NR2C2: variants seen among roughly 807,000 people sequenced by gnomAD.
The protein encoded by NR2C2 is nuclear receptor subfamily 2 group C member 2, also known as Nuclear hormone receptor TR4.
NR2C2 carries 6 observed loss-of-function variants against 62.9 expected under a neutral mutation model. That is an observed-to-expected ratio of 0.10 (90% CI 0.05 to 0.19). The LOEUF (loss-of-function observed/expected upper bound fraction) is 0.19. Ranked by LOEUF, NR2C2 falls within the 10% of genes least tolerant of loss-of-function variation. The pLI is 1.00. For missense variants in NR2C2, 479 were observed against 762.7 expected (o/e 0.63, Z 4.38); for synonymous variants, 272 against 273.8 (o/e 0.99, Z 0.07).
chr3:15,028,853 C>T (rs773215758), intron 8 of NR2C2, 134 bp downstream of exon 8: 133 of 965,002 alleles, frequency 1.4e-4, no homozygotes, highest in Non-Finnish European at 1.7e-4. Flanking sequence ...TGACCCTGCT[C>T]ATCTGTCTTC....
At chr3:15,016,741 G>A (rs932977443) in intron 4 of NR2C2, among the ~76,000 whole-genome samples, 2 of 152,190 alleles carry the variant, frequency 1.3e-5, no homozygotes, top group Non-Finnish European at 2.9e-5. Flanking sequence ...TCGCACCTGG[G>A]AGCCTTGGTA....
intron 11 of NR2C2, among the ~76,000 whole-genome samples, chr3:15,036,018 ACT>A (rs780066893): frequency 9.2e-5 from 14 of 151,796 alleles, no homozygotes; most frequent in Non-Finnish European, 1.9e-4. Flanking sequence ...ACAGAGCGAG[ACT>A]CTGTCTCCAA....
Position 15,021,429 on chromosome 3 carries a change from A to G in NR2C2, c.556+497A>G, listed in dbSNP as rs576450231. 7.2e-5 allele frequency among the ~76,000 whole-genome samples: 11 copies of G among 152,302 alleles called. No homozygotes were observed. In the South Asian group the frequency reaches 2.1e-3, roughly 29 times the overall value. The stretch of plus-strand genomic sequence containing the variant: ...AGCCTCTGTGTAGCTGGGATTCTAA[A>G]GAGAAAGCTATTGCTCCTGGATGTG... On this transcript the variant is annotated intron_variant, in intron 5 of 13. Transcript: ENST00000425241.
chr3:15,001,341 T>G (rs1170154425), intron 1 of NR2C2, among the ~76,000 whole-genome samples: 2 of 131,116 alleles, frequency 1.5e-5, no homozygotes, highest in South Asian at 2.5e-4. Context: ...TTTTTTTTGG[T>G]TTTTTTTTTG....
At chr3:15,033,450 G>A (rs1299994166) in intron 10 of NR2C2, among the ~76,000 whole-genome samples, 1 of 152,152 alleles carries the variant, frequency 6.6e-6, no homozygotes, top group Non-Finnish European at 1.5e-5. Context: ...GGTGTGGGAT[G>A]TGTCCTGAGT....
intron 1 of NR2C2, 198 bp downstream of exon 1, chr3:14,948,104 G>C (rs1204685712): frequency 6.6e-6 from 1 of 152,070 alleles, no homozygotes; most frequent in East Asian, 2.0e-4. Flanking sequence ...CGGGCGAAGC[G>C]AGCGGGTTCC....
rs796211448 is a variant in NR2C2, at chr3:14,953,912, C to A, written c.-40+6006C>A. On this transcript the variant is annotated intron_variant, in intron 1 of 13. Transcript: ENST00000425241. Reference sequence around the variant, plus strand: ...TTCATCTCAAAAAAAAAAAAAAAAACAACTGAGGCTGGATGGCTCTTGAGA... The same window carrying A: ...TTCATCTCAAAAAAAAAAAAAAAAAAAACTGAGGCTGGATGGCTCTTGAGA... Among the ~76,000 whole-genome samples the A allele has an allele frequency of 8.9e-3, 1,223 of 137,478 alleles. 20 individuals are homozygous for A. The highest frequency in any genetic ancestry group is 0.033 in the African/African-American group (1,154 of 34,570). 90.2% of individuals were successfully genotyped at this position (137,478 alleles called of 152,430 possible).
chr3:14,951,730 G>A (rs2039365677), intron 1 of NR2C2, among the ~76,000 whole-genome samples: 1 of 151,880 alleles, frequency 6.6e-6, no homozygotes, highest in African/African-American at 2.4e-5. Context: ...ACTTTATGAG[G>A]ATGGCTGGAA....
chr3:15,004,294 T>G (rs972441839), intron 2 of NR2C2, among the ~76,000 whole-genome samples: 3 of 152,202 alleles, frequency 2.0e-5, no homozygotes, highest in Non-Finnish European at 4.4e-5. Context: ...CTACTTGAAG[T>G]CAAATCCAGT....
intron 13 of NR2C2, among the ~76,000 whole-genome samples, chr3:15,039,838 T>C (rs926624551): frequency 3.3e-5 from 5 of 152,212 alleles, no homozygotes; most frequent in East Asian, 1.9e-4. Flanking sequence ...TTGTAATTAA[T>C]GTGCAGTAAA....
chr3:14,977,811 A>G (rs1319598187), intron 1 of NR2C2, among the ~76,000 whole-genome samples: 1 of 152,044 alleles, frequency 6.6e-6, no homozygotes, highest in Non-Finnish European at 1.5e-5. Context: ...CTAAAATACA[A>G]AATATTAGCT....
chr3:14,997,292 G>T (rs182072578), intron 1 of NR2C2, among the ~76,000 whole-genome samples: 2 of 152,222 alleles, frequency 1.3e-5, no homozygotes, highest in African/African-American at 4.8e-5. Flanking sequence ...ATCTAGGTTT[G>T]TTGTAAGTAC....
At chr3:15,024,029 A>G (rs2041752009) in intron 6 of NR2C2, 86 bp from the exon 7 acceptor site, 3 of 958,288 alleles carry the variant, frequency 3.1e-6, no homozygotes, top group Non-Finnish European at 5.0e-6. Flanking sequence ...CAGCTTCACA[A>G]ATGTGGAAGG....
chr3:15,003,051 T>C (rs2041065040), intron 1 of NR2C2, among the ~76,000 whole-genome samples: 1 of 151,808 alleles, frequency 6.6e-6, no homozygotes, highest in Admixed American at 6.6e-5. Flanking sequence ...GTTCAAGCGA[T>C]TCTCCTGCCT....
Position 15,003,925 on chromosome 3 carries a change from C to G in NR2C2, c.11C>G (p.Pro4Arg), listed in dbSNP as rs2124931342. 1 of 1,613,952 alleles carries G rather than the reference C, an allele frequency of 6.2e-7. No individual in the cohort carries two copies. The highest frequency in any genetic ancestry group is 2.2e-5 in the East Asian group (1 of 44,852). Residue 4 changes from proline (P) to arginine (R), a missense_variant, in exon 2 of 14, where the codon CCC (proline) becomes CGC (arginine). Transcript: ENST00000425241. ...CCGGAATCTCCAGGGATGACCAGCC[C>G]CTCCCCACGCATCCAGATAATCTCC... MTSPSPRIQIISTD... is the reference protein window; with the variant it reads MTSRSPRIQIISTD...
At chr3:15,037,734 T>TC (rs1380624827) in intron 11 of NR2C2, among the ~76,000 whole-genome samples, 1 of 152,224 alleles carries the variant, frequency 6.6e-6, no homozygotes, top group Non-Finnish European at 1.5e-5. Flanking sequence ...AATGTACACC[T>TC]ACAGGCCAGC....
chr3:15,001,329 T>TC (rs1400945334), intron 1 of NR2C2, among the ~76,000 whole-genome samples: 1 of 148,462 alleles, frequency 6.7e-6, no homozygotes. Context: ...TTTTTTTTTT[T>TC]TTTTTTTTTG....
intron 1 of NR2C2, among the ~76,000 whole-genome samples, chr3:14,984,989 C>T (rs796734456): frequency 1.4e-4 from 21 of 152,198 alleles, no homozygotes; most frequent in African/African-American, 5.1e-4. Context: ...TAGATGTGTA[C>T]TAGCTCTTAA....
intron 6 of NR2C2, 135 bp downstream of exon 6, chr3:15,023,482 C>CT: frequency 4.1e-6 from 4 of 969,256 alleles, no homozygotes; most frequent in Non-Finnish European, 6.2e-6. Context: ...AATTCTGCCC[C>CT]TTCTGGAGCT....
Sources: gnomAD v4.1 joint callset for allele counts (sites outside exome capture counted in the v4.1 genomes callset) on GRCh38, gnomAD v4.1.1 for gene constraint, MANE v1.5 for transcripts, NCBI Gene and HGNC (gene_info 2026-07-23, HGNC 2026-07-21) for gene names.